The following ZBTB7C variants were observed in gnomAD, a reference collection of about 807,000 sequenced individuals.
The protein encoded by ZBTB7C is zinc finger and BTB domain containing 7C, also known as zinc finger and BTB domain-containing protein 7C.
In ZBTB7C, 8 loss-of-function variants were observed where a neutral mutation model predicts 25.7. The ratio of observed to expected loss-of-function variants is 0.31; its 90% CI spans 0.18 to 0.56. The LOEUF is 0.56. Among genes scored for constraint, ZBTB7C ranks in the 20% least tolerant of loss-of-function variants. The pLI, the probability that ZBTB7C is intolerant of heterozygous loss-of-function variation, is 0.91. For missense variants in ZBTB7C, 824 were observed against 855.2 expected, an observed-to-expected ratio of 0.96 and a Z score of 0.46; for synonymous variants, 394 against 369.0, an observed-to-expected ratio of 1.07 and a Z score of -0.78.
Position 48,201,072 on chromosome 18 carries a change from G to A in ZBTB7C, c.-78-15077C>T, listed in dbSNP as rs549773304. The stretch of plus-strand genomic sequence containing the variant: ...CACTTTCCATACAGGACAACATCCC[G>A]ACACCCCAGATCTCACTTTAAGCCC... On this transcript the variant is annotated intron_variant, in intron 2 of 4. Coordinates refer to ENST00000590800, the MANE Select transcript of ZBTB7C (RefSeq NM_001318841.2). Among the ~76,000 whole-genome samples the A allele has an allele frequency of 4.6e-5, 7 of 152,244 alleles. No homozygotes were observed. The South Asian group carries it at 1.2e-3, about 27-fold the overall frequency.
rs567804583 is a variant in ZBTB7C at position 48,375,501 on chromosome 18, A to G, written c.-304+33725T>C. On this transcript the variant is annotated intron_variant, in intron 1 of 4. Transcript: ENST00000590800. Reference sequence around the variant, plus strand: ...CAGTTCCCTGCCTCCTCAAGCGAAGAGAGCCTTCGGAAGGTTGCCATGACC... The same window carrying G: ...CAGTTCCCTGCCTCCTCAAGCGAAGGGAGCCTTCGGAAGGTTGCCATGACC... The G allele has an allele frequency of 2.6e-5, 4 of 152,402 alleles. No homozygotes were observed. The East Asian group carries it at 7.7e-4, about 29-fold the overall frequency. The allele number at this position is 152,402 out of a possible 1,614,324, so 9.4% of individuals were successfully genotyped here.
chr18:48,353,300 T>C (rs2046904452), intron 1 of ZBTB7C, among the ~76,000 whole-genome samples: 1 of 152,188 alleles, frequency 6.6e-6, no homozygotes, highest in South Asian at 2.1e-4. Context: ...GTATTCTATT[T>C]ACCACACCAA....
chr18:48,394,337 T>G (rs1302507329), intron 1 of ZBTB7C, among the ~76,000 whole-genome samples: 2 of 152,188 alleles, frequency 1.3e-5, no homozygotes, highest in East Asian at 1.9e-4. Flanking sequence ...GGTTTTCTAG[T>G]GATACTAGCT....
At chr18:48,218,818 C>G (rs901313676) in intron 2 of ZBTB7C, among the ~76,000 whole-genome samples, 3 of 152,214 alleles carry the variant, frequency 2.0e-5, no homozygotes, top group African/African-American at 7.2e-5. Flanking sequence ...CCATCCACCA[C>G]TAGCCCTCAG....
chr18:48,127,711 C>G (rs1021988645), intron 3 of ZBTB7C, among the ~76,000 whole-genome samples: 4 of 152,228 alleles, frequency 2.6e-5, no homozygotes, highest in African/African-American at 9.6e-5. Context: ...ACGCTCAGCT[C>G]CTCTCCTCTG....
At chr18:48,218,628 C>A (rs1451218515) in intron 2 of ZBTB7C, among the ~76,000 whole-genome samples, 1 of 152,202 alleles carries the variant, frequency 6.6e-6, no homozygotes, top group Admixed American at 6.5e-5. Context: ...ACCACAAGTA[C>A]ATTTTCCATT....
chr18:48,257,987 T>C (rs1189049212), intron 2 of ZBTB7C, among the ~76,000 whole-genome samples: 1 of 152,094 alleles, frequency 6.6e-6, no homozygotes, highest in East Asian at 1.9e-4. Flanking sequence ...TGAGCTATGA[T>C]TGCACCACTG....
intron 3 of ZBTB7C, chr18:48,148,224 G>A (rs1204865270): frequency 6.7e-6 from 1 of 149,434 alleles, no homozygotes; most frequent in East Asian, 2.0e-4. Flanking sequence ...AGCCAGTCTG[G>A]TCTCGAACGC....
At chr18:48,245,948 T>C (rs1312016541) in intron 2 of ZBTB7C, among the ~76,000 whole-genome samples, 1 of 152,156 alleles carries the variant, frequency 6.6e-6, no homozygotes, top group Non-Finnish European at 1.5e-5. Flanking sequence ...ACAAAAACAA[T>C]TATTAATTCC....
intron 3 of ZBTB7C, among the ~76,000 whole-genome samples, chr18:48,115,552 TAC>T (rs1011375874): frequency 6.6e-6 from 1 of 151,778 alleles, no homozygotes; most frequent in Non-Finnish European, 1.5e-5. Flanking sequence ...GAGTGACCTT[TAC>T]ACACACACAC....
At chr18:48,188,856 C>G (rs11661207) in intron 2 of ZBTB7C, among the ~76,000 whole-genome samples, 31,154 of 152,086 alleles carry the variant, frequency 0.2, 3,503 homozygotes, top group South Asian at 0.27. Context: ...TAATTTTACT[C>G]TTTCTACTGG....
chr18:48,122,966 C>T (rs564911852), intron 3 of ZBTB7C, among the ~76,000 whole-genome samples: 1 of 152,314 alleles, frequency 6.6e-6, no homozygotes, highest in South Asian at 2.1e-4. Flanking sequence ...GACTCTGACT[C>T]CTTGCAGGAG....
intron 1 of ZBTB7C, among the ~76,000 whole-genome samples, chr18:48,390,586 G>C (rs2047877195): frequency 6.6e-6 from 1 of 152,208 alleles, no homozygotes; most frequent in South Asian, 2.1e-4. Context: ...TTTCCTGTCT[G>C]TCACCTGCTT....
At chr18:48,318,227 T>TA (rs1167859497) in intron 2 of ZBTB7C, among the ~76,000 whole-genome samples, 3 of 151,362 alleles carry the variant, frequency 2.0e-5, no homozygotes, top group Non-Finnish European at 3.0e-5. Context: ...AAAAAAAACC[T>TA]AAAAAAACAA....
intron 4 of ZBTB7C, among the ~76,000 whole-genome samples, chr18:48,034,653 C>A (rs936529013): frequency 1.3e-5 from 2 of 152,144 alleles, no homozygotes; most frequent in Admixed American, 6.5e-5. Context: ...AGGCTCACTG[C>A]GCGTTTGGTG....
chr18:48,376,446 T>TGG lies in ZBTB7C; in HGVS notation c.-304+32778_-304+32779dup, dbSNP rs1383519987. ...AGCTGCAGTTGGTTAATTACTGTTT[T>TGG]GGGGCACGATGTCTGAGGCCAAGGG... On this transcript the variant is annotated intron_variant, in intron 1 of 4. Transcript: ENST00000590800. Among the ~76,000 whole-genome samples the TGG allele has an allele frequency of 2.0e-5, 3 of 152,338 alleles. No individual in the cohort carries two copies. The East Asian group carries it at 5.8e-4, about 29-fold the overall frequency.
At chr18:48,132,846 G>A (rs2040028324) in intron 3 of ZBTB7C, among the ~76,000 whole-genome samples, 1 of 152,208 alleles carries the variant, frequency 6.6e-6, no homozygotes, top group African/African-American at 2.4e-5. Flanking sequence ...AGCCAAGAAA[G>A]CAATAGCCCT....
intron 3 of ZBTB7C, among the ~76,000 whole-genome samples, chr18:48,097,946 C>T (rs946990096): frequency 6.6e-6 from 1 of 151,920 alleles, no homozygotes. Context: ...CCCAGCCTCT[C>T]TCAGCAGGCA....
chr18:48,216,768 C>T (rs1280928783), intron 2 of ZBTB7C, among the ~76,000 whole-genome samples: 1 of 152,156 alleles, frequency 6.6e-6, no homozygotes, highest in East Asian at 1.9e-4. Context: ...CCTCTCCATC[C>T]TATGGCCCCC....
Sources: allele counts gnomAD v4.1 joint callset (sites outside exome capture counted in the v4.1 genomes callset), GRCh38; gene constraint gnomAD v4.1.1; transcripts MANE v1.5; gene names NCBI Gene and HGNC (gene_info 2026-07-23, HGNC 2026-07-21).